The following CMTM7 variants were observed in gnomAD, a reference collection of about 807,000 sequenced individuals.
CMTM7 encodes the protein CKLF like MARVEL transmembrane domain containing 7.
In CMTM7, 7 loss-of-function variants were observed where a neutral mutation model predicts 19.3. That is an observed-to-expected ratio of 0.36 (90% CI 0.21 to 0.68). The LOEUF (loss-of-function observed/expected upper bound fraction) is 0.68. CMTM7 is among the 30% of genes least tolerant of loss of function. The probability of loss-of-function intolerance (pLI) is 0.60; values close to 1 mark genes in which losing one functional copy is unlikely to be tolerated. For synonymous variants in CMTM7, 87 were observed against 99.3 expected (o/e 0.88, Z 0.74); for missense variants, 193 against 232.6 (o/e 0.83, Z 1.11).
chr3:32,436,880 T>G (rs913651449), intron 1 of CMTM7, among the ~76,000 whole-genome samples: 1 of 152,126 alleles, frequency 6.6e-6, no homozygotes, highest in African/African-American at 2.4e-5. Context: ...CGACGTCTCT[T>G]GAAAACTGCC....
At chr3:32,453,655 C>G (rs1367354575) in intron 4 of CMTM7, among the ~76,000 whole-genome samples, 1 of 152,038 alleles carries the variant, frequency 6.6e-6, no homozygotes, top group Admixed American at 6.6e-5. Flanking sequence ...CAAGGTAGAC[C>G]CATGGCGGCC....
intron 1 of CMTM7, among the ~76,000 whole-genome samples, chr3:32,431,707 C>T (rs1696522428): frequency 6.6e-6 from 1 of 152,190 alleles, no homozygotes; most frequent in African/African-American, 2.4e-5. Flanking sequence ...AGCTGCAGGC[C>T]AGGGTCCCAG....
rs775291821 is a variant in CMTM7, at chr3:32,454,414, C to G, written c.*160C>G. The stretch of plus-strand genomic sequence containing the variant: ...TTCCTGCTCTCCCAGGAAGCCAGCT[C>G]CCTGAGCTCCTGAGCCAGCCGGAAA... On this transcript the variant is annotated 3_prime_UTR_variant, in exon 5 of 5. Transcript: ENST00000334983. 15 of 846,812 alleles carry G rather than the reference C, an allele frequency of 1.8e-5. No individual in the cohort carries two copies. In the South Asian group the frequency reaches 1.9e-4, roughly 10 times the overall value. 52.5% of individuals were successfully genotyped at this position (846,812 alleles called of 1,614,324 possible).
rs1366186146 is a variant in CMTM7, at chr3:32,454,801, G to A, written c.*547G>A. 2 of 222,460 alleles carry A rather than the reference G, an allele frequency of 9.0e-6. No individual in the cohort carries two copies. Among genetic ancestry groups the A allele is most frequent in the African/African-American group, 4.6e-5 (2 of 43,456 alleles). The allele number at this position is 222,460 out of a possible 1,614,324, so 13.8% of individuals were successfully genotyped here. ...CTCTGCCTTTGTTACCAGTGTGCAT[G>A]TGTTTGTGTGTTTTTTAATAAAATA... is the stretch of plus-strand genomic sequence containing the variant. On this transcript the variant is annotated 3_prime_UTR_variant, in exon 5 of 5. Transcript: ENST00000334983.
chr3:32,410,543 GC>G (rs1445940398), intron 1 of CMTM7, among the ~76,000 whole-genome samples: 3 of 152,168 alleles, frequency 2.0e-5, no homozygotes, highest in Non-Finnish European at 4.4e-5. Flanking sequence ...AGTGGAAAGA[GC>G]CCTTCTGCCA....
chr3:32,426,013 C>T (rs1437429854), intron 1 of CMTM7, among the ~76,000 whole-genome samples: 9 of 152,132 alleles, frequency 5.9e-5, no homozygotes, highest in African/African-American at 1.9e-4. Context: ...GGCATGGTGG[C>T]GCACGCCTAT....
At chr3:32,446,108 A>G (rs1696749783) in intron 2 of CMTM7, among the ~76,000 whole-genome samples, 1 of 115,648 alleles carries the variant, frequency 8.6e-6, no homozygotes, top group Non-Finnish European at 1.8e-5. Flanking sequence ...TTCCTTAACT[A>G]TTTGGTAGAA....
chr3:32,401,883 C>A (rs1233445480), intron 1 of CMTM7, among the ~76,000 whole-genome samples: 1 of 152,178 alleles, frequency 6.6e-6, no homozygotes, highest in African/African-American at 2.4e-5. Flanking sequence ...GGGGCTGGGA[C>A]GCGGTCACTG....
chr3:32,447,147 A>G (rs1696765175), intron 2 of CMTM7, among the ~76,000 whole-genome samples: 1 of 151,512 alleles, frequency 6.6e-6, no homozygotes, highest in Non-Finnish European at 1.5e-5. Context: ...GTATTTTCTG[A>G]TTTCTCTTAT....
At chr3:32,453,793 G>C (rs1175732305) in intron 4 of CMTM7, among the ~76,000 whole-genome samples, 3 of 152,190 alleles carry the variant, frequency 2.0e-5, no homozygotes, top group Non-Finnish European at 2.9e-5. Context: ...CTTTAGATGG[G>C]AGAATTGTAT....
At chr3:32,439,274 G>A (rs1020787339) in intron 1 of CMTM7, among the ~76,000 whole-genome samples, 9 of 152,186 alleles carry the variant, frequency 5.9e-5, no homozygotes, top group Non-Finnish European at 1.3e-4. Context: ...CTTCTGTTTC[G>A]ATCTGGTAAG....
At chr3:32,411,103 C>T (rs986450436) in intron 1 of CMTM7, among the ~76,000 whole-genome samples, 16 of 152,136 alleles carry the variant, frequency 1.1e-4, no homozygotes, top group South Asian at 6.2e-4. Context: ...CTGTGTCAGC[C>T]GCAGGGGATA....
At chr3:32,403,015 C>T (rs991534227) in intron 1 of CMTM7, among the ~76,000 whole-genome samples, 2 of 152,212 alleles carry the variant, frequency 1.3e-5, no homozygotes, top group Non-Finnish European at 1.5e-5. Flanking sequence ...AATACTTTGT[C>T]TCTTTTTCCT....
chr3:32,397,789 G>C (rs1206861693), intron 1 of CMTM7, among the ~76,000 whole-genome samples: 1 of 151,802 alleles, frequency 6.6e-6, no homozygotes, highest in Admixed American at 6.6e-5. Context: ...ATGTGACCAA[G>C]ACTGCCCAAC....
chr3:32,417,258 A>C (rs1023909679), intron 1 of CMTM7, among the ~76,000 whole-genome samples: 1 of 152,214 alleles, frequency 6.6e-6, no homozygotes, highest in Non-Finnish European at 1.5e-5. Context: ...ACTCCTGGCA[A>C]CCATTGATCT....
chr3:32,437,288 C>T (rs1357784748), intron 1 of CMTM7, among the ~76,000 whole-genome samples: 1 of 152,106 alleles, frequency 6.6e-6, no homozygotes, highest in African/African-American at 2.4e-5. Flanking sequence ...AGGGCTCTTG[C>T]AGTGTTACTT....
chr3:32,443,284 T>TA (rs1277234248), intron 2 of CMTM7, among the ~76,000 whole-genome samples: 2 of 151,722 alleles, frequency 1.3e-5, no homozygotes, highest in African/African-American at 2.4e-5. Context: ...TTTTTTTTTT[T>TA]ACAGAGATGA....
At chr3:32,454,119 C>A (rs562206530) in intron 4 of CMTM7, 122 bp from the exon 5 acceptor site, 4 of 1,039,018 alleles carry the variant, frequency 3.8e-6, no homozygotes, top group Non-Finnish European at 5.7e-6. Context: ...CAGTGCAAGT[C>A]GGCACTGGGT....
In CMTM7 at chr3:32,434,722, A is replaced by C. The variant is rs573270429; in HGVS notation, c.160-7118A>C. Among the ~76,000 whole-genome samples, 3 of 152,248 alleles carry C rather than the reference A, an allele frequency of 2.0e-5. No homozygotes were observed. In the East Asian group the frequency reaches 5.8e-4, roughly 29 times the overall value. ...AAAACTTTTAACTTTAGTCAAACAAAAGACTAAAAATAAAGGCAAATGAGA... is the reference window on the plus strand; with the variant it reads ...AAAACTTTTAACTTTAGTCAAACAACAGACTAAAAATAAAGGCAAATGAGA... On this transcript the variant is annotated intron_variant, in intron 1 of 4. Transcript: ENST00000334983.
Sources: gnomAD v4.1 joint callset for allele counts (sites outside exome capture counted in the v4.1 genomes callset) on GRCh38, gnomAD v4.1.1 for gene constraint, MANE v1.5 for transcripts, NCBI Gene and HGNC (gene_info 2026-07-23, HGNC 2026-07-21) for gene names.